RFC1: variants seen among roughly 807,000 people sequenced by gnomAD.
RFC1 encodes A1 140 kDa subunit.
In RFC1, 37 loss-of-function variants were observed where a neutral mutation model predicts 137.4. That is an observed-to-expected ratio of 0.27 (90% CI 0.21 to 0.35). The LOEUF is 0.35. Ranked by LOEUF, RFC1 falls within the 10% of genes least tolerant of loss-of-function variation. The pLI, the probability that RFC1 is intolerant of heterozygous loss-of-function variation, is 1.00. For synonymous variants in RFC1, 429 were observed against 455.7 expected (o/e 0.94, Z 0.75); for missense variants, 1,205 against 1,358.5 (o/e 0.89, Z 1.78).
chr4:39,321,098 T>C (rs545917314), intron 8 of RFC1, among the ~76,000 whole-genome samples, 189 bp downstream of exon 8: 2 of 152,362 alleles, frequency 1.3e-5, no homozygotes, highest in East Asian at 3.8e-4. Flanking sequence ...ATAGAGCAGA[T>C]GGGCATTCTG....
intron 4 of RFC1, among the ~76,000 whole-genome samples, chr4:39,339,546 G>A (rs1740515991): frequency 6.6e-6 from 1 of 152,028 alleles, no homozygotes; most frequent in South Asian, 2.1e-4. Context: ...GCATTCTCTG[G>A]AGAAATGTCT....
rs1578101820 is a variant in RFC1 at position 39,294,499 on chromosome 4, G to A, written c.2954+1115C>T. Reference sequence around the variant, plus strand: ...CCAGCCTGACCAATATGGTGAAACCGTCTCTACTAAAAAATACAAAAATTA... The same window carrying A: ...CCAGCCTGACCAATATGGTGAAACCATCTCTACTAAAAAATACAAAAATTA... On this transcript the variant is annotated intron_variant, in intron 22 of 24. Coordinates refer to ENST00000349703, the MANE Select transcript of RFC1 (RefSeq NM_002913.5). 1.3e-4 allele frequency among the ~76,000 whole-genome samples: 5 copies of A among 39,204 alleles called. No individual in the cohort carries two copies. The South Asian group carries it at 2.1e-3, about 17-fold the overall frequency. 25.7% of individuals were successfully genotyped at this position (39,204 alleles called of 152,430 possible). A position where few individuals can be genotyped will look rare whatever the true frequency, so the allele number is the denominator to read the frequency against.
At chr4:39,293,275 C>A (rs565988489) in intron 22 of RFC1, among the ~76,000 whole-genome samples, 13 of 152,302 alleles carry the variant, frequency 8.5e-5, no homozygotes, top group Admixed American at 5.2e-4. Context: ...ATTTCCAAAA[C>A]TGTTCTACAA....
chr4:39,365,071 C>T (rs1741952840), intron 1 of RFC1, among the ~76,000 whole-genome samples: 1 of 146,768 alleles, frequency 6.8e-6, no homozygotes, highest in African/African-American at 2.5e-5. Context: ...AGTTCAACCA[C>T]CTACTAGTTA....
chr4:39,329,149 A>AAAAAAAAAAAAAAT (rs1739948911), intron 4 of RFC1, among the ~76,000 whole-genome samples: 1 of 137,736 alleles, frequency 7.3e-6, no homozygotes, highest in African/African-American at 2.5e-5. Flanking sequence ...AAAAAAAAAA[A>AAAAAAAAAAAAAAT]AAAAGCTTTT....
intron 13 of RFC1, 112 bp downstream of exon 13, chr4:39,308,524 A>C (rs1738797660): frequency 7.0e-7 from 1 of 1,432,454 alleles, no homozygotes; most frequent in African/African-American, 1.4e-5. Flanking sequence ...CAAGCTCTTA[A>C]TAAATGCTTG....
chr4:39,315,288 G>T (rs918252043), intron 10 of RFC1, among the ~76,000 whole-genome samples: 7 of 152,190 alleles, frequency 4.6e-5, no homozygotes, highest in African/African-American at 9.7e-5. Context: ...AATCATTTTT[G>T]AAATACTCTC....
chr4:39,343,108 T>C (rs1398037742), intron 3 of RFC1, among the ~76,000 whole-genome samples: 1 of 152,182 alleles, frequency 6.6e-6, no homozygotes, highest in Non-Finnish European at 1.5e-5. Flanking sequence ...CTGCAACCTC[T>C]GCCTTCCAGG....
At chr4:39,360,705 A>C (rs561948897) in intron 1 of RFC1, among the ~76,000 whole-genome samples, 1 of 152,136 alleles carries the variant, frequency 6.6e-6, no homozygotes, top group African/African-American at 2.4e-5. Context: ...ACTGCACTCC[A>C]GCCTGAGCAA....
chr4:39,324,953 C>T (rs1739689926), intron 6 of RFC1, among the ~76,000 whole-genome samples: 1 of 152,178 alleles, frequency 6.6e-6, no homozygotes. Flanking sequence ...GAGCGCTCCT[C>T]CCTGAAATAC....
At chr4:39,328,622 C>T (rs920582292) in intron 4 of RFC1, among the ~76,000 whole-genome samples, 2 of 152,134 alleles carry the variant, frequency 1.3e-5, no homozygotes, top group Non-Finnish European at 2.9e-5. Flanking sequence ...AATGTGGCTG[C>T]AGCACAATGC....
rs577855917 is a variant in RFC1 at position 39,349,529 on chromosome 4, C to T, written c.132+1819G>A. ...ATGTGAGGACAACACGAGAAGGCAG[C>T]CATGTACAAAGCAGGAAAAAGGCCC... On this transcript the variant is annotated intron_variant, in intron 2 of 24. Transcript: ENST00000349703. Among the ~76,000 whole-genome samples the T allele has an allele frequency of 5.3e-5, 8 of 152,228 alleles. No homozygotes were observed. In the South Asian group the frequency reaches 1.2e-3, roughly 24 times the overall value.
chr4:39,299,529 C>T (rs958196542), intron 21 of RFC1, among the ~76,000 whole-genome samples: 3 of 148,860 alleles, frequency 2.0e-5, no homozygotes, highest in African/African-American at 5.0e-5. Context: ...AGGAGAATGG[C>T]ATGAACCCAG....
intron 10 of RFC1, 101 bp from the exon 11 acceptor site, chr4:39,313,032 A>G: frequency 1.0e-6 from 1 of 975,662 alleles, no homozygotes. Context: ...CTCATTTCAC[A>G]TCATAAATAA....
chr4:39,324,279 C>T (rs1739655955), intron 6 of RFC1, among the ~76,000 whole-genome samples: 1 of 152,156 alleles, frequency 6.6e-6, no homozygotes, highest in Admixed American at 6.5e-5. Context: ...GTAAAGACAT[C>T]TTCAGTTACT....
In RFC1 at chr4:39,308,980, T is replaced by G; in HGVS notation, c.1541A>C (p.Lys514Thr). ...ERTPQKNVQGKRKISPSKKES... is the reference protein window; with the variant it reads ...ERTPQKNVQGTRKISPSKKES... ...CTTTTTAGATGGACTAATTTTTCTT[T>G]TTCCTTGGACATTTTTTTGGGGTGT... Residue 514 changes from lysine (K) to threonine (T), a missense_variant, in exon 13 of 25, where the codon AAA (lysine) becomes ACA (threonine). By Grantham distance (78) the Lys-to-Thr change is moderately conservative. Transcript: ENST00000349703. 6.2e-7 allele frequency: 1 copy of G among 1,612,394 alleles called. No individual in the cohort carries two copies. Among genetic ancestry groups the G allele is most frequent in the Non-Finnish European group, 8.5e-7 (1 of 1,179,774 alleles).
intron 7 of RFC1, chr4:39,322,418 G>C (rs1271897598): frequency 1.3e-5 from 2 of 151,928 alleles, no homozygotes; most frequent in Admixed American, 1.3e-4. Flanking sequence ...AAAAAAGAAA[G>C]AAAAAGATTC....
chr4:39,328,427 A>C (rs1162567550), intron 4 of RFC1, among the ~76,000 whole-genome samples: 1 of 152,236 alleles, frequency 6.6e-6, no homozygotes, highest in Non-Finnish European at 1.5e-5. Flanking sequence ...TATGAATAAA[A>C]AGTAAAACAG....
At chr4:39,295,480 A>T in intron 22 of RFC1, 134 bp downstream of exon 22, 1 of 675,890 alleles carries the variant, frequency 1.5e-6, no homozygotes, top group Non-Finnish European at 2.4e-6. Context: ...TAAGGAACTT[A>T]TCCAGGATCA....
Sources: gnomAD v4.1 joint callset for allele counts (sites outside exome capture counted in the v4.1 genomes callset) on GRCh38, gnomAD v4.1.1 for gene constraint, MANE v1.5 for transcripts, NCBI Gene and HGNC (gene_info 2026-07-23, HGNC 2026-07-21) for gene names.